The following ADARB2 variants were observed in gnomAD, a reference collection of about 807,000 sequenced individuals.
ADARB2 encodes adenosine deaminase RNA specific B2 (inactive).
In ADARB2, 25 loss-of-function variants were observed where a neutral mutation model predicts 62.2. The ratio of observed to expected loss-of-function variants is 0.40; its 90% CI spans 0.29 to 0.56. The LOEUF (loss-of-function observed/expected upper bound fraction) is 0.56. Ranked by LOEUF, ADARB2 falls within the 20% of genes least tolerant of loss-of-function variation. The pLI is 0.43. For synonymous variants in ADARB2, 572 were observed against 500.8 expected (o/e 1.14, Z -1.90); for missense variants, 1,071 against 1,077.4 (o/e 0.99, Z 0.08).
At chr10:1,223,531 C>T (rs1040444135) in intron 6 of ADARB2, among the ~76,000 whole-genome samples, 5 of 152,272 alleles carry the variant, frequency 3.3e-5, no homozygotes, top group African/African-American at 1.2e-4. Context: ...CCAGTTTTTG[C>T]CCATTCAGTA....
chr10:1,526,135 C>G (rs1832138584), intron 1 of ADARB2, among the ~76,000 whole-genome samples: 1 of 152,030 alleles, frequency 6.6e-6, no homozygotes, highest in South Asian at 2.1e-4. Context: ...TCTAAGGCAG[C>G]AGGGCGGTCT....
chr10:1,336,309 G>C (rs1831974558), intron 3 of ADARB2, among the ~76,000 whole-genome samples: 1 of 152,272 alleles, frequency 6.6e-6, no homozygotes, highest in South Asian at 2.1e-4. Flanking sequence ...TTCCATATCT[G>C]TTTCTCTGGT....
At chr10:1,230,253 CCT>C (rs1346256494) in intron 6 of ADARB2, among the ~76,000 whole-genome samples, 1 of 152,012 alleles carries the variant, frequency 6.6e-6, no homozygotes, top group Non-Finnish European at 1.5e-5. Context: ...GGAATGTGGT[CCT>C]CTGAATTGGA....
At chr10:1,226,359 C>T (rs1371401580) in intron 6 of ADARB2, among the ~76,000 whole-genome samples, 6 of 152,108 alleles carry the variant, frequency 3.9e-5, no homozygotes, top group Non-Finnish European at 8.8e-5. Flanking sequence ...TTCGAATTTC[C>T]TCCTGTAGCT....
intron 3 of ADARB2, among the ~76,000 whole-genome samples, chr10:1,333,993 C>T (rs1056247503): frequency 2.0e-5 from 3 of 152,198 alleles, no homozygotes; most frequent in Non-Finnish European, 2.9e-5. Flanking sequence ...AATGCTTACA[C>T]GGCAGGTTAC....
At chr10:1,705,528 AGC>A (rs1264911790) in intron 1 of ADARB2, among the ~76,000 whole-genome samples, 1 of 152,208 alleles carries the variant, frequency 6.6e-6, no homozygotes, top group Admixed American at 6.5e-5. Flanking sequence ...CAGGCAGCTG[AGC>A]GGGGGTTAAT....
chr10:1,476,425 T>G (rs559465750), intron 1 of ADARB2, among the ~76,000 whole-genome samples: 6 of 152,288 alleles, frequency 3.9e-5, no homozygotes, highest in South Asian at 2.1e-4. Context: ...TTCAGTGTCC[T>G]GCGTGGTGAC....
intron 1 of ADARB2, among the ~76,000 whole-genome samples, chr10:1,506,339 C>A (rs180887764): frequency 5.3e-5 from 8 of 152,106 alleles, no homozygotes; most frequent in African/African-American, 1.9e-4. Flanking sequence ...GGGGGAAATG[C>A]TGGAATGCCT....
intron 1 of ADARB2, among the ~76,000 whole-genome samples, chr10:1,457,330 C>T (rs74122649): frequency 0.11 from 17,143 of 152,074 alleles, 1,164 homozygotes; most frequent in East Asian, 0.2. Context: ...AACCCTGATT[C>T]CAGGAGGGTT....
chr10:1,638,310 T>A (rs1007459290), intron 1 of ADARB2, among the ~76,000 whole-genome samples: 8 of 152,158 alleles, frequency 5.3e-5, no homozygotes, highest in African/African-American at 1.9e-4. Context: ...CCATTTAGAG[T>A]TTGGGACAAG....
chr10:1,430,883 A>G (rs117673969), intron 1 of ADARB2, among the ~76,000 whole-genome samples: 1,553 of 152,364 alleles, frequency 0.01, 8 homozygotes, highest in Non-Finnish European at 0.014. Flanking sequence ...AATTTAGTGC[A>G]TGTTCCAAAC....
chr10:1,682,189 G>C (rs1387513449), intron 1 of ADARB2, among the ~76,000 whole-genome samples: 1 of 152,228 alleles, frequency 6.6e-6, no homozygotes, highest in Non-Finnish European at 1.5e-5. Context: ...CACAAAGATG[G>C]AAGAACATGG....
chr10:1,698,607 T>C (rs1252721467), intron 1 of ADARB2, among the ~76,000 whole-genome samples: 1 of 152,008 alleles, frequency 6.6e-6, no homozygotes, highest in Non-Finnish European at 1.5e-5. Flanking sequence ...AAAAACTTGA[T>C]GGAAAAAGCA....
intron 9 of ADARB2, among the ~76,000 whole-genome samples, chr10:1,184,029 C>T (rs1253198614): frequency 6.6e-6 from 1 of 152,168 alleles, no homozygotes; most frequent in Non-Finnish European, 1.5e-5. Flanking sequence ...GAAGGGAGAC[C>T]CCGGCAGTGC....
chr10:1,589,116 C>T (rs1833215564), intron 1 of ADARB2, among the ~76,000 whole-genome samples: 1 of 152,214 alleles, frequency 6.6e-6, no homozygotes, highest in Non-Finnish European at 1.5e-5. Flanking sequence ...CATCAGTCCA[C>T]TGGTTATTAT....
intron 3 of ADARB2, among the ~76,000 whole-genome samples, chr10:1,314,692 G>A (rs1479867513): frequency 6.6e-6 from 1 of 152,186 alleles, no homozygotes; most frequent in Non-Finnish European, 1.5e-5. Flanking sequence ...ATGATAGTCT[G>A]CCAACCACCT....
intron 1 of ADARB2, among the ~76,000 whole-genome samples, chr10:1,385,397 G>A (rs924922178): frequency 2.6e-5 from 4 of 152,096 alleles, no homozygotes; most frequent in African/African-American, 4.8e-5. Context: ...AAAAATAAAG[G>A]GGATATGATA....
intron 1 of ADARB2, among the ~76,000 whole-genome samples, chr10:1,515,075 A>C (rs1413572353): frequency 6.6e-6 from 1 of 152,242 alleles, no homozygotes; most frequent in East Asian, 1.9e-4. Flanking sequence ...AGTTCAATTT[A>C]AATTTTAGCT....
At chr10:1,371,266 A>G (rs1437624557) in intron 2 of ADARB2, among the ~76,000 whole-genome samples, 3 of 152,230 alleles carry the variant, frequency 2.0e-5, no homozygotes, top group Non-Finnish European at 4.4e-5. Context: ...CTGGACCCCT[A>G]TCTCTCACCA....
Sources: allele counts gnomAD v4.1 joint callset (sites outside exome capture counted in the v4.1 genomes callset), GRCh38; gene constraint gnomAD v4.1.1; transcripts MANE v1.5; gene names NCBI Gene and HGNC (gene_info 2026-07-23, HGNC 2026-07-21).